NLRP14: variants seen among roughly 807,000 people sequenced by gnomAD.
NLRP14 encodes NACHT, LRR and PYD domains-containing protein 14.
Under a neutral mutation model 94.7 loss-of-function variants are expected in NLRP14, and 105 were observed. The observed-to-expected ratio is 1.11, with a 90% CI of 0.95 to 1.30. The LOEUF is 1.30. NLRP14 is among the 50% of genes most tolerant of loss of function. NLRP14 has a pLI of 0.00. For synonymous variants in NLRP14, 508 were observed against 459.9 expected (o/e 1.10, Z -1.34); for missense variants, 1,362 against 1,254.1 (o/e 1.09, Z -1.30).
At chr11:7,086,244 TATAAG>T in the NLRP14 span, among the ~76,000 whole-genome samples, 3 of 152,240 alleles carry the variant, frequency 2.0e-5, no homozygotes, top group African/African-American at 7.2e-5. Flanking sequence ...TCCTAATTGA[TATAAG>T]ATAATAAGAT....
intron 4 of NLRP14, among the ~76,000 whole-genome samples, chr11:7,045,442 T>C (rs937120871): frequency 6.6e-6 from 1 of 152,168 alleles, no homozygotes; most frequent in Non-Finnish European, 1.5e-5. Flanking sequence ...GAGAACCCAA[T>C]GTTTTAAAAG....
the NLRP14 span, chr11:7,090,293 A>T: frequency 5.6e-6 from 9 of 1,596,626 alleles, no homozygotes; most frequent in Non-Finnish European, 7.7e-6. Flanking sequence ...GCCGGAGCAG[A>T]TACTAAGCAG....
chr11:7,067,782 C>T (rs2119712757), intron 10 of NLRP14, among the ~76,000 whole-genome samples: 1 of 152,210 alleles, frequency 6.6e-6, no homozygotes, highest in African/African-American at 2.4e-5. Context: ...CAGTCTTCAT[C>T]AAGTTTTTGT....
the NLRP14 span, chr11:7,090,440 AT>A: frequency 8.8e-7 from 1 of 1,133,854 alleles, no homozygotes; most frequent in Non-Finnish European, 1.3e-6. Flanking sequence ...GATCGTCTCC[AT>A]TTTTATGCTT....
At chr11:7,074,108 A>C (rs977277007), downstream of NLRP14, among the ~76,000 whole-genome samples, 1 of 152,218 alleles carries the variant, frequency 6.6e-6, no homozygotes, top group African/African-American at 2.4e-5. Context: ...AAATATTCAC[A>C]AAGTTTTAGG....
At chr11:7,079,105 T>C in the NLRP14 span, among the ~76,000 whole-genome samples, 2 of 152,248 alleles carry the variant, frequency 1.3e-5, no homozygotes, top group East Asian at 3.8e-4. Flanking sequence ...AACTCTTCCT[T>C]GTCAGGACAT....
At chr11:7,071,961 C>T (rs973803236), downstream of NLRP14, among the ~76,000 whole-genome samples, 1 of 152,172 alleles carries the variant, frequency 6.6e-6, no homozygotes, top group Non-Finnish European at 1.5e-5. Context: ...GGATTAATTT[C>T]CTTTAAGGGA....
chr11:7,071,197 G>C lies in NLRP14; in HGVS notation c.3171G>C (p.Glu1057Asp). The C allele has an allele frequency of 6.2e-7, 1 of 1,613,814 alleles. No individual in the cohort carries two copies. The highest frequency in any genetic ancestry group is 8.5e-7 in the Non-Finnish European group (1 of 1,179,978). Residue 1057 changes from glutamate (E) to aspartate (D), a missense_variant, in exon 12 of 12, where the codon GAG (glutamate) becomes GAC (aspartate). Glu to Asp is a conservative substitution (Grantham distance 45). Transcript: ENST00000299481. Reference protein sequence around the residue: ...VLGLCKEAFDEEAQKLLEAVG... With the variant: ...VLGLCKEAFDDEAQKLLEAVG... ...GGTTGTGCAAAGAGGCATTTGATGA[G>C]GAAGCCCAGAAGCTGCTGGAAGCTG... is the stretch of plus-strand genomic sequence containing the variant.
downstream of NLRP14, among the ~76,000 whole-genome samples, chr11:7,076,476 C>G (rs1279705255): frequency 9.2e-5 from 14 of 152,090 alleles, no homozygotes; most frequent in Admixed American, 9.2e-4. Flanking sequence ...TCCCAGCCTT[C>G]TCTCTTTTAT....
chr11:7,042,922 C>T lies in NLRP14; in HGVS notation c.896C>T (p.Pro299Leu). 1 of 1,613,960 alleles carries T rather than the reference C, an allele frequency of 6.2e-7. No homozygotes were observed. Among genetic ancestry groups the T allele is most frequent in the African/African-American group, 1.3e-5 (1 of 75,036 alleles). ...MSSLLRKVML[P>L]EASLLVTTRL... ...AGTTTGCTGAGGAAAGTGATGCTCC[C>T]TGAGGCATCCTTATTGGTGACAACA... The change falls in exon 4 of 12, where the codon CCT (proline) becomes CTT (leucine). Residue 299 changes from proline (P) to leucine (L), a missense_variant. Transcript: ENST00000299481.
intron 6 of NLRP14, among the ~76,000 whole-genome samples, chr11:7,053,264 G>T (rs910918822): frequency 6.6e-6 from 1 of 151,680 alleles, no homozygotes; most frequent in Non-Finnish European, 1.5e-5. Context: ...AGTAAGTTTG[G>T]AAACTGTATT....
At chr11:7,060,109 G>C in intron 9 of NLRP14, 45 bp downstream of exon 9, 1 of 1,512,386 alleles carries the variant, frequency 6.6e-7, no homozygotes, top group Non-Finnish European at 9.2e-7. Context: ...CAACAACAGA[G>C]TGTCTGGGGA....
At chr11:7,034,747 A>G (rs1852139430) in intron 1 of NLRP14, among the ~76,000 whole-genome samples, 1 of 152,142 alleles carries the variant, frequency 6.6e-6, no homozygotes, top group Non-Finnish European at 1.5e-5. Flanking sequence ...GTTGTGATGA[A>G]TATTCTTTGC....
intron 1 of NLRP14, 143 bp from the exon 2 acceptor site, chr11:7,038,423 C>G (rs981964522): frequency 1.5e-6 from 1 of 658,188 alleles, no homozygotes; most frequent in African/African-American, 1.8e-5. Flanking sequence ...ACAGAGGACA[C>G]TAGGTCAGTA....
Position 7,057,536 on chromosome 11 carries a change from CT to C in NLRP14, c.2292-134del. 6.5e-6 allele frequency: 5 copies of C among 764,262 alleles called. 1 individual carries two copies. Among genetic ancestry groups the C allele is most frequent in the South Asian group, 6.0e-5 (4 of 66,962 alleles). The allele number at this position is 764,262 out of a possible 1,614,324, so 47.3% of individuals were successfully genotyped here. A position where few individuals can be genotyped will look rare whatever the true frequency, so the allele number is the denominator to read the frequency against. On this transcript the variant is annotated intron_variant, in intron 6 of 11. Transcript: ENST00000299481. ...AGAGCCTTATGCTTTAGTTAAATAA[CT>C]TTTTTTCTGTGTAGAGAAGTTGGAT...
At chr11:7,064,179 G>T (rs1852671271) in intron 10 of NLRP14, among the ~76,000 whole-genome samples, 1 of 152,262 alleles carries the variant, frequency 6.6e-6, no homozygotes, top group South Asian at 2.1e-4. Context: ...AGAGAAGCTT[G>T]CAGATTTGTA....
intron 1 of NLRP14, among the ~76,000 whole-genome samples, chr11:7,032,401 C>G (rs1454570054): frequency 6.6e-6 from 1 of 152,112 alleles, no homozygotes; most frequent in Non-Finnish European, 1.5e-5. Flanking sequence ...CTATTCTAAA[C>G]AAACACCCTT....
rs556701797 is a variant in NLRP14, at chr11:7,026,164, T to C, written c.-22+5394T>C. On this transcript the variant is annotated intron_variant, in intron 1 of 11. Transcript: ENST00000299481. ...GCCAAAATTGACAAATGGGATCTAATTAAACTGAAGAGCTTCTGCACAGCA... is the reference window on the plus strand; with the variant it reads ...GCCAAAATTGACAAATGGGATCTAACTAAACTGAAGAGCTTCTGCACAGCA... Among the ~76,000 whole-genome samples, 299 of 152,248 alleles carry C rather than the reference T, an allele frequency of 2.0e-3. 2 individuals are homozygous for C. Among genetic ancestry groups the C allele is most frequent in the African/African-American group, 6.9e-3 (285 of 41,544 alleles).
chr11:7,072,496 G>A (rs142663569), downstream of NLRP14, among the ~76,000 whole-genome samples: 16 of 152,344 alleles, frequency 1.1e-4, no homozygotes, highest in Non-Finnish European at 1.9e-4. Context: ...AGATTCAAGT[G>A]TCTCTCTTGA....
Sources: gnomAD v4.1 joint callset for allele counts (sites outside exome capture counted in the v4.1 genomes callset) on GRCh38, gnomAD v4.1.1 for gene constraint, MANE v1.5 for transcripts, NCBI Gene and HGNC (gene_info 2026-07-23, HGNC 2026-07-21) for gene names.